The following MGAT4A variants were observed in gnomAD, a reference collection of about 807,000 sequenced individuals.
MGAT4A encodes the protein N-acetylglucosaminyltransferase IVa.
A neutral mutation model predicts 74.1 loss-of-function variants in MGAT4A; 33 were observed. The ratio of observed to expected loss-of-function variants is 0.45; its 90% CI spans 0.34 to 0.60. The LOEUF is 0.60. Ranked by LOEUF, MGAT4A falls within the 20% of genes least tolerant of loss-of-function variation. The pLI, the probability that MGAT4A is intolerant of heterozygous loss-of-function variation, is 0.02. For missense variants in MGAT4A, 479 were observed against 628.3 expected (o/e 0.76, Z 2.54); for synonymous variants, 198 against 210.4 (o/e 0.94, Z 0.51).
chr2:98,667,062 T>C (rs1301081793), intron 4 of MGAT4A, among the ~76,000 whole-genome samples: 2 of 152,096 alleles, frequency 1.3e-5, no homozygotes, highest in South Asian at 2.1e-4. Context: ...CAAGATCTGA[T>C]GGTTTTAAAA....
At chr2:98,646,818 C>T (rs1247726523) in intron 8 of MGAT4A, among the ~76,000 whole-genome samples, 1 of 152,146 alleles carries the variant, frequency 6.6e-6, no homozygotes, top group Non-Finnish European at 1.5e-5. Context: ...GATGCATGTG[C>T]AGGTCTGTTA....
intron 10 of MGAT4A, 22 bp downstream of exon 10, chr2:98,643,901 C>G (rs376305745): frequency 1.0e-5 from 15 of 1,488,508 alleles, no homozygotes; most frequent in Non-Finnish European, 1.4e-5. Context: ...ACTCCCTCCA[C>G]TCTGGTGAGG....
In MGAT4A at chr2:98,622,480, A is replaced by G; in HGVS notation, c.*3086T>C. ...ACCTTTGACACTTTTTCCATTTACT[A>G]TTTTGGTAAAATGATTCGGCGCCCT... is the stretch of plus-strand genomic sequence containing the variant. On this transcript the variant is annotated 3_prime_UTR_variant, in exon 16 of 16. Transcript: ENST00000393487. 4.1e-6 allele frequency: 4 copies of G among 985,412 alleles called. No homozygotes were observed. Among genetic ancestry groups the G allele is most frequent in the Non-Finnish European group, 4.8e-6 (4 of 829,930 alleles). The allele number at this position is 985,412 out of a possible 1,614,324, so 61.0% of individuals were successfully genotyped here.
At chr2:98,699,848 C>T (rs796887946) in intron 2 of MGAT4A, among the ~76,000 whole-genome samples, 1 of 152,112 alleles carries the variant, frequency 6.6e-6, no homozygotes, top group African/African-American at 2.4e-5. Context: ...TTGCCATTTC[C>T]GCTTGAACCC....
intron 3 of MGAT4A, among the ~76,000 whole-genome samples, chr2:98,677,801 ATT>A (rs70940122): frequency 6.6e-4 from 80 of 121,320 alleles, no homozygotes; most frequent in African/African-American, 2.1e-3. Context: ...CAGGTAATAA[ATT>A]TTTTTTTTTT....
At chr2:98,678,200 A>G (rs1378962453) in intron 3 of MGAT4A, 104 bp downstream of exon 3, 2 of 237,802 alleles carry the variant, frequency 8.4e-6, no homozygotes, top group Non-Finnish European at 1.4e-5. Context: ...ACTGCATTCC[A>G]GCCTGGGCTA....
intron 2 of MGAT4A, among the ~76,000 whole-genome samples, chr2:98,701,825 G>C (rs1448652205): frequency 6.6e-6 from 1 of 152,140 alleles, no homozygotes; most frequent in Admixed American, 6.6e-5. Context: ...TTTTTAGAAA[G>C]TCAATATGGC....
intron 8 of MGAT4A, among the ~76,000 whole-genome samples, chr2:98,653,990 C>T (rs1229412222): frequency 2.6e-5 from 4 of 151,986 alleles, no homozygotes; most frequent in African/African-American, 9.7e-5. Flanking sequence ...ACCTGCAATA[C>T]AGGGATCGTT....
chr2:98,714,152 A>T (rs1052197697), intron 2 of MGAT4A, among the ~76,000 whole-genome samples: 1 of 152,046 alleles, frequency 6.6e-6, no homozygotes, highest in Non-Finnish European at 1.5e-5. Context: ...CAGTGGCGCG[A>T]TCTCACCTCA....
In MGAT4A at chr2:98,624,523, A is replaced by T; in HGVS notation, c.*1043T>A. On this transcript the variant is annotated 3_prime_UTR_variant, in exon 16 of 16. Coordinates refer to ENST00000393487, the MANE Select transcript of MGAT4A (RefSeq NM_012214.3). ...TAATAATATATTTCACCAAAAAACA[A>T]TATTACAATTTTCTTTAAAATTATA... The T allele has an allele frequency of 1.0e-6, 1 of 973,376 alleles. No homozygotes were observed. The highest frequency in any genetic ancestry group is 1.2e-6 in the Non-Finnish European group (1 of 818,926). 60.3% of individuals were successfully genotyped at this position (973,376 alleles called of 1,614,324 possible). A position where few individuals can be genotyped will look rare whatever the true frequency, so the allele number is the denominator to read the frequency against.
intron 2 of MGAT4A, among the ~76,000 whole-genome samples, chr2:98,683,289 T>C (rs1004600331): frequency 6.6e-6 from 1 of 152,004 alleles, no homozygotes; most frequent in African/African-American, 2.4e-5. Context: ...GACTACAGAA[T>C]GGGTATGATT....
At chr2:98,688,599 T>C (rs1458856328) in intron 2 of MGAT4A, among the ~76,000 whole-genome samples, 1 of 152,210 alleles carries the variant, frequency 6.6e-6, no homozygotes, top group Non-Finnish European at 1.5e-5. Context: ...GAAAAGCCCA[T>C]GTGACAAAGA....
rs868317184 is a variant in MGAT4A at position 98,706,869 on chromosome 2, G to A, written c.94+19370C>T. Reference sequence around the variant, plus strand: ...TGGCTGGGAGACTTTAGGGAGATCTGCCATGCTTTCTTCATTAAAAATGAA... The same window carrying A: ...TGGCTGGGAGACTTTAGGGAGATCTACCATGCTTTCTTCATTAAAAATGAA... On this transcript the variant is annotated intron_variant, in intron 2 of 15. Coordinates refer to ENST00000393487, the MANE Select transcript of MGAT4A (RefSeq NM_012214.3). Among the ~76,000 whole-genome samples the A allele has an allele frequency of 1.4e-4, 21 of 149,150 alleles. No homozygotes were observed. In the East Asian group the frequency reaches 3.1e-3, roughly 22 times the overall value.
chr2:98,683,074 C>T (rs1407821229), intron 2 of MGAT4A, among the ~76,000 whole-genome samples: 7 of 150,152 alleles, frequency 4.7e-5, no homozygotes, highest in Non-Finnish European at 8.9e-5. Context: ...GGAGCCAGAG[C>T]GAGACTCCGT....
chr2:98,674,929 A>T, intron 4 of MGAT4A, 106 bp downstream of exon 4: 1 of 1,171,748 alleles, frequency 8.5e-7, no homozygotes, highest in Non-Finnish European at 1.2e-6. Flanking sequence ...AGATAAAGAA[A>T]GAACTTTCAT....
Position 98,639,838 on chromosome 2 carries a change from A to T in MGAT4A, c.1292T>A (p.Phe431Tyr). The T allele has an allele frequency of 6.2e-7, 1 of 1,612,738 alleles. No individual in the cohort carries two copies. Among genetic ancestry groups the T allele is most frequent in the Non-Finnish European group, 8.5e-7 (1 of 1,179,596 alleles). ...ITPIAGDYIL[F>Y]KFDKPVNVES... ...TACATTGACTGGTTTATCAAATTTA[A>T]ACAAGATGTAGTCTCCAGCTATCGG... The change falls in exon 12 of 16, where the codon TTT becomes TAT. Residue 431 changes from phenylalanine (F) to tyrosine (Y), a missense_variant. This residue lies in a region of MGAT4A where 236 missense variants were observed against 308.2 expected (regional missense o/e 0.77). Coordinates refer to ENST00000393487, the MANE Select transcript of MGAT4A (RefSeq NM_012214.3).
At chr2:98,662,319 GTTATAT>G (rs1312542295) in intron 5 of MGAT4A, among the ~76,000 whole-genome samples, 1 of 152,128 alleles carries the variant, frequency 6.6e-6, no homozygotes, top group Non-Finnish European at 1.5e-5. Flanking sequence ...ATTTGAAATA[GTTATAT>G]TTATGTAGAG....
At chr2:98,650,929 C>CA (rs1701568035) in intron 8 of MGAT4A, among the ~76,000 whole-genome samples, 1 of 151,764 alleles carries the variant, frequency 6.6e-6, no homozygotes, top group Non-Finnish European at 1.5e-5. Context: ...GCCTGGGCGA[C>CA]AGAGCAAGAC....
At chr2:98,662,024 T>C (rs975707415) in intron 5 of MGAT4A, among the ~76,000 whole-genome samples, 4 of 152,064 alleles carry the variant, frequency 2.6e-5, no homozygotes, top group African/African-American at 7.2e-5. Context: ...GACACAAACA[T>C]GGACAGGAGG....
Sources: gnomAD v4.1 joint callset for allele counts (sites outside exome capture counted in the v4.1 genomes callset) on GRCh38, gnomAD v4.1.1 for gene constraint, gnomAD v4.1.1 regional missense constraint, MANE v1.5 for transcripts, NCBI Gene and HGNC (gene_info 2026-07-23, HGNC 2026-07-21) for gene names.